SLC9A9: variants seen among roughly 807,000 people sequenced by gnomAD.
The protein encoded by SLC9A9 is solute carrier family 9 member A9.
A neutral mutation model predicts 77.8 loss-of-function variants in SLC9A9; 62 were observed. The observed-to-expected ratio is 0.80, with a 90% CI of 0.65 to 0.98. The LOEUF (loss-of-function observed/expected upper bound fraction) is 0.98, where lower values mean the gene tolerates loss of function less well. SLC9A9 is among the 50% of genes least tolerant of loss of function. SLC9A9 has a pLI of 0.00. For missense variants in SLC9A9, 775 were observed against 774.9 expected, an observed-to-expected ratio of 1.00 and a Z score of 0.00; for synonymous variants, 320 against 283.5, an observed-to-expected ratio of 1.13 and a Z score of -1.29.
chr3:143,288,547 C>G, intron 14 of SLC9A9, among the ~76,000 whole-genome samples: 1 of 152,318 alleles, frequency 6.6e-6, no homozygotes, highest in South Asian at 2.1e-4. Context: ...TCAGCTGGCT[C>G]AGGTTCTAGA....
At chr3:143,655,645 T>C in intron 5 of SLC9A9, 1 of 984,116 alleles carries the variant, frequency 1.0e-6, no homozygotes, top group South Asian at 4.7e-5. Context: ...TACAAGCACA[T>C]ATGATCTTAT....
At position 143,802,839 on chromosome 3, in the gene SLC9A9, C is replaced by T. The variant is rs372478691; in HGVS notation, c.379-5936G>A. On this transcript the variant is annotated intron_variant, in intron 2 of 15. Coordinates refer to ENST00000316549, the MANE Select transcript of SLC9A9 (RefSeq NM_173653.4). ...CCTTCTCAGAATTAGAGCCTGTCCT[C>T]GAGATGCTACAGGGTACAGTCCATT... 1.2e-4 allele frequency among the ~76,000 whole-genome samples: 19 copies of T among 152,268 alleles called. No homozygotes were observed. The South Asian group carries it at 3.5e-3, about 28-fold the overall frequency.
intron 14 of SLC9A9, among the ~76,000 whole-genome samples, chr3:143,270,889 C>G (rs1937877062): frequency 6.6e-6 from 1 of 152,176 alleles, no homozygotes; most frequent in Non-Finnish European, 1.5e-5. Flanking sequence ...TATGGTTTGA[C>G]TTTTTATGGT....
intron 2 of SLC9A9, among the ~76,000 whole-genome samples, chr3:143,821,094 C>G (rs563108923): frequency 6.6e-6 from 1 of 152,234 alleles, no homozygotes; most frequent in East Asian, 1.9e-4. Context: ...GAGCAGGAAG[C>G]TGTGTGTGCT....
At position 143,696,232 on chromosome 3, in the gene SLC9A9, C is replaced by T. The variant is rs551046114; in HGVS notation, c.534-2925G>A. ...TGAAGTCTTTGCCCATGCCTATGTC[C>T]TGAATGGTACTGCCTAGGTTTTCTT... is the stretch of plus-strand genomic sequence containing the variant. On this transcript the variant is annotated intron_variant, in intron 4 of 15. Coordinates refer to ENST00000316549, the MANE Select transcript of SLC9A9 (RefSeq NM_173653.4). Among the ~76,000 whole-genome samples, 25 of 152,242 alleles carry T rather than the reference C, an allele frequency of 1.6e-4. No individual in the cohort carries two copies. The South Asian group carries it at 5.0e-3, about 30-fold the overall frequency.
chr3:143,755,173 C>T (rs2006880004), intron 4 of SLC9A9, among the ~76,000 whole-genome samples: 1 of 152,126 alleles, frequency 6.6e-6, no homozygotes, highest in African/African-American at 2.4e-5. Context: ...TTAGGAGTCT[C>T]CTGTACCTCT....
intron 2 of SLC9A9, among the ~76,000 whole-genome samples, chr3:143,803,931 C>T (rs956796212): frequency 6.6e-6 from 1 of 152,160 alleles, no homozygotes; most frequent in African/African-American, 2.4e-5. Flanking sequence ...CCTCCCCAGA[C>T]ATTTCACATC....
Position 143,618,053 on chromosome 3 carries a change from T to C in SLC9A9, c.755+34202A>G, listed in dbSNP as rs187652119. ...TCATAAAGTGGTATCAGAGTGAAGG[T>C]AAAGAGAAAATGGATCCTAGGAATA... On this transcript the variant is annotated intron_variant, in intron 6 of 15. Coordinates refer to ENST00000316549, the MANE Select transcript of SLC9A9 (RefSeq NM_173653.4). Among the ~76,000 whole-genome samples, 96 of 152,172 alleles carry C rather than the reference T, an allele frequency of 6.3e-4. 1 individual carries two copies. The highest frequency in any genetic ancestry group is 2.2e-3 in the African/African-American group (90 of 41,534).
intron 9 of SLC9A9, among the ~76,000 whole-genome samples, chr3:143,543,082 C>A (rs2036713842): frequency 1.3e-5 from 2 of 152,186 alleles, no homozygotes. Context: ...AGTTTTTCCT[C>A]AATGATGCTA....
chr3:143,406,495 A>G (rs182513115), intron 12 of SLC9A9, among the ~76,000 whole-genome samples: 1 of 151,906 alleles, frequency 6.6e-6, no homozygotes, highest in Admixed American at 6.6e-5. Flanking sequence ...CTCCTGTCCC[A>G]GCCTCCCGAG....
At chr3:143,363,452 G>A (rs1559883501) in intron 14 of SLC9A9, 32 bp downstream of exon 14, 4 of 1,591,246 alleles carry the variant, frequency 2.5e-6, no homozygotes, top group Middle Eastern at 1.7e-4. Flanking sequence ...GCCTGCAGCA[G>A]GATCTGTGAG....
At position 143,265,892 on chromosome 3, in the gene SLC9A9, G is replaced by A. The variant is rs113375950; in HGVS notation, c.*810C>T. The A allele has an allele frequency of 4.2e-4, 255 of 604,206 alleles. No individual in the cohort carries two copies. The African/African-American group carries it at 4.4e-3, about 10-fold the overall frequency. The allele number at this position is 604,206 out of a possible 1,614,324, so 37.4% of individuals were successfully genotyped here. A position where few individuals can be genotyped will look rare whatever the true frequency, so the allele number is the denominator to read the frequency against. On this transcript the variant is annotated 3_prime_UTR_variant, in exon 16 of 16. Coordinates refer to ENST00000316549, the MANE Select transcript of SLC9A9 (RefSeq NM_173653.4). ...CCTACCCTCCAGCATATCGCGGGGAGGGGGGGACCTGCTGCACAGCCAAGA... is the reference window on the plus strand; with the variant it reads ...CCTACCCTCCAGCATATCGCGGGGAAGGGGGGACCTGCTGCACAGCCAAGA...
intron 14 of SLC9A9, among the ~76,000 whole-genome samples, chr3:143,276,848 GA>G (rs1198774234): frequency 1.5e-5 from 2 of 136,580 alleles, no homozygotes; most frequent in Non-Finnish European, 3.0e-5. Context: ...ACATTTCAGA[GA>G]GTTTTCAGAT....
chr3:143,733,699 A>G (rs973744136), intron 4 of SLC9A9, among the ~76,000 whole-genome samples: 1 of 152,034 alleles, frequency 6.6e-6, no homozygotes, highest in Non-Finnish European at 1.5e-5. Flanking sequence ...TATACAAACC[A>G]TGAGAACACG....
intron 14 of SLC9A9, among the ~76,000 whole-genome samples, chr3:143,337,626 C>T (rs1379301394): frequency 2.0e-5 from 3 of 152,202 alleles, no homozygotes; most frequent in Non-Finnish European, 4.4e-5. Context: ...GCCTTAACCG[C>T]AGGCTGCTGG....
intron 14 of SLC9A9, among the ~76,000 whole-genome samples, chr3:143,341,985 G>A (rs910462286): frequency 3.9e-5 from 6 of 152,142 alleles, no homozygotes; most frequent in East Asian, 3.9e-4. Flanking sequence ...CATTGATTCC[G>A]GGTGAAACTA....
chr3:143,698,086 G>A (rs1318961568), intron 4 of SLC9A9: 2 of 152,360 alleles, frequency 1.3e-5, no homozygotes, highest in East Asian at 1.9e-4. Flanking sequence ...TCACAGAGTG[G>A]TATATTCTTT....
chr3:143,475,433 G>T (rs561879151), intron 11 of SLC9A9, among the ~76,000 whole-genome samples: 129 of 152,248 alleles, frequency 8.5e-4, no homozygotes, highest in African/African-American at 3.0e-3. Context: ...TATAGGGTAG[G>T]TGCTCTGCAA....
chr3:143,813,799 C>T (rs1489328463), intron 2 of SLC9A9, among the ~76,000 whole-genome samples: 2 of 152,092 alleles, frequency 1.3e-5, no homozygotes, highest in African/African-American at 2.4e-5. Context: ...CTCTTTTGTA[C>T]CTTTTGAACA....
Sources: gnomAD v4.1 joint callset for allele counts (sites outside exome capture counted in the v4.1 genomes callset) on GRCh38, gnomAD v4.1.1 for gene constraint, MANE v1.5 for transcripts, NCBI Gene and HGNC (gene_info 2026-07-23, HGNC 2026-07-21) for gene names.